Variants in TLL1 observed in about 807,000 individuals in gnomAD.
TLL1 encodes the protein tolloid-like protein 1.
A neutral mutation model predicts 128.2 loss-of-function variants in TLL1; 49 were observed. The observed-to-expected ratio is 0.38, with a 90% CI of 0.30 to 0.48. The LOEUF (loss-of-function observed/expected upper bound fraction) is 0.48, where lower values mean the gene tolerates loss of function less well. Ranked by LOEUF, TLL1 falls within the 20% of genes least tolerant of loss-of-function variation. TLL1 has a pLI of 0.96. For missense variants in TLL1, 1,123 were observed against 1,242.0 expected (o/e 0.90, Z 1.44); for synonymous variants, 454 against 418.8 (o/e 1.08, Z -1.03).
intron 9 of TLL1, among the ~76,000 whole-genome samples, chr4:166,033,714 C>G (rs1388059786): frequency 6.6e-6 from 1 of 152,290 alleles, no homozygotes; most frequent in African/African-American, 2.4e-5. Flanking sequence ...GATTGAGACT[C>G]TCAAAGTACA....
At chr4:165,939,616 G>A (rs1733912689) in intron 1 of TLL1, among the ~76,000 whole-genome samples, 1 of 151,936 alleles carries the variant, frequency 6.6e-6, no homozygotes, top group African/African-American at 2.4e-5. Flanking sequence ...GAGTTCTACA[G>A]GGCAAATTGG....
intron 5 of TLL1, among the ~76,000 whole-genome samples, chr4:165,997,792 T>TAAA (rs1380098114): frequency 2.6e-5 from 4 of 152,328 alleles, no homozygotes; most frequent in African/African-American, 9.6e-5. Context: ...CCTTAAATTG[T>TAAA]ATTATAAGTA....
At position 166,039,541 on chromosome 4, in the gene TLL1, G is replaced by A. The variant is rs544676789; in HGVS notation, c.1261+100G>A. The stretch of plus-strand genomic sequence containing the variant: ...AGAGTCATCGTAGAGTTAAAAATGT[G>A]TGTGACTAACATTATTTTTATGTTA... On this transcript the variant is annotated intron_variant, in intron 10 of 20. Transcript: ENST00000061240. 26 of 810,632 alleles carry A rather than the reference G, an allele frequency of 3.2e-5. No individual in the cohort carries two copies. The South Asian group carries it at 3.4e-4, about 11-fold the overall frequency. 50.2% of individuals were successfully genotyped at this position (810,632 alleles called of 1,614,324 possible). A position where few individuals can be genotyped will look rare whatever the true frequency, so the allele number is the denominator to read the frequency against.
At chr4:166,092,028 TTTCA>T (rs1477749626) in intron 19 of TLL1, among the ~76,000 whole-genome samples, 2 of 103,678 alleles carry the variant, frequency 1.9e-5, no homozygotes, top group African/African-American at 6.5e-5. Context: ...AATGTGCCCT[TTTCA>T]TTCAGTTAAG....
intron 2 of TLL1, among the ~76,000 whole-genome samples, chr4:165,990,771 G>A (rs1736602607): frequency 6.6e-6 from 1 of 151,964 alleles, no homozygotes. Context: ...AAAGTAGGGA[G>A]TATGTAAGAG....
intron 9 of TLL1, among the ~76,000 whole-genome samples, chr4:166,030,067 C>T (rs1298987785): frequency 6.6e-6 from 1 of 152,002 alleles, no homozygotes; most frequent in Non-Finnish European, 1.5e-5. Context: ...AACCTTTATA[C>T]TGTTTTCCAT....
intron 10 of TLL1, among the ~76,000 whole-genome samples, chr4:166,040,158 AC>A (rs1404305906): frequency 1.3e-5 from 2 of 152,200 alleles, no homozygotes; most frequent in Non-Finnish European, 2.9e-5. Flanking sequence ...TGAGATTGTA[AC>A]TTTTTCTTTA....
At chr4:166,065,259 A>C (rs533582164) in intron 15 of TLL1, among the ~76,000 whole-genome samples, 1 of 152,222 alleles carries the variant, frequency 6.6e-6, no homozygotes, top group Non-Finnish European at 1.5e-5. Flanking sequence ...TAGTAAGTTT[A>C]AAAAGCAAAT....
intron 15 of TLL1, among the ~76,000 whole-genome samples, chr4:166,063,689 T>C (rs1740441168): frequency 6.6e-6 from 1 of 152,064 alleles, no homozygotes; most frequent in South Asian, 2.1e-4. Flanking sequence ...ATGTCCTTTG[T>C]AGAGACATGG....
intron 1 of TLL1, among the ~76,000 whole-genome samples, chr4:165,940,847 G>T (rs1733975226): frequency 6.6e-6 from 1 of 151,982 alleles, no homozygotes; most frequent in Non-Finnish European, 1.5e-5. Context: ...GGCAGAGCCA[G>T]ACTTGCTTTC....
At chr4:166,062,565 T>C (rs1335124851) in intron 15 of TLL1, among the ~76,000 whole-genome samples, 1 of 152,222 alleles carries the variant, frequency 6.6e-6, no homozygotes, top group African/African-American at 2.4e-5. Context: ...TGCACATTGA[T>C]TTTGTATTCT....
At chr4:165,966,402 C>T (rs1735377704) in intron 1 of TLL1, among the ~76,000 whole-genome samples, 1 of 152,086 alleles carries the variant, frequency 6.6e-6, no homozygotes, top group African/African-American at 2.4e-5. Context: ...TGGGTTCTGT[C>T]ATCACACATA....
At chr4:166,063,494 T>C (rs182735343) in intron 15 of TLL1, among the ~76,000 whole-genome samples, 2,218 of 152,278 alleles carry the variant, frequency 0.015, 58 homozygotes, top group African/African-American at 0.05. Flanking sequence ...TTACGGGGTA[T>C]ATACCCAAAG....
intron 1 of TLL1, among the ~76,000 whole-genome samples, chr4:165,894,374 A>G (rs1428125160): frequency 1.3e-5 from 2 of 152,224 alleles, no homozygotes; most frequent in Non-Finnish European, 2.9e-5. Context: ...TAAGAATGAC[A>G]GCAGATTTCT....
chr4:166,008,284 C>G (rs1737531986), intron 7 of TLL1, among the ~76,000 whole-genome samples: 1 of 151,150 alleles, frequency 6.6e-6, no homozygotes, highest in Non-Finnish European at 1.5e-5. Flanking sequence ...AAAATTTATA[C>G]CAATAAGATG....
Position 166,091,251 on chromosome 4 carries a change from C to T in TLL1, c.2566C>T (p.Pro856Ser), listed in dbSNP as rs1741765344. The change falls in exon 19 of 21, where the codon CCC becomes TCC. Residue 856 changes from proline to serine, a missense_variant. Transcript: ENST00000061240. ...GRLCGNKIPDPLVATGNKMFV... is the reference protein window; with the variant it reads ...GRLCGNKIPDSLVATGNKMFV... The stretch of plus-strand genomic sequence containing the variant: ...ACTGTGTGGCAACAAGATACCAGAT[C>T]CCCTTGTGGCTACTGGAAATAAAAT... 4 of 1,613,132 alleles carry T rather than the reference C, an allele frequency of 2.5e-6. No individual in the cohort carries two copies. Among genetic ancestry groups the T allele is most frequent in the Non-Finnish European group, 2.5e-6 (3 of 1,179,492 alleles).
intron 8 of TLL1, among the ~76,000 whole-genome samples, chr4:166,017,286 G>C (rs886480214): frequency 2.6e-5 from 4 of 152,096 alleles, no homozygotes; most frequent in African/African-American, 9.7e-5. Flanking sequence ...TTTTATAGCT[G>C]CGTAGTATTT....
chr4:166,063,758 G>A (rs557023073), intron 15 of TLL1, among the ~76,000 whole-genome samples: 3 of 152,136 alleles, frequency 2.0e-5, no homozygotes, highest in South Asian at 4.2e-4. Flanking sequence ...ACCAAACACT[G>A]CATGCTCTCA....
chr4:165,977,219 G>A (rs911271068), intron 1 of TLL1, among the ~76,000 whole-genome samples: 3 of 152,146 alleles, frequency 2.0e-5, no homozygotes, highest in South Asian at 4.1e-4. Flanking sequence ...GGCAGAACCT[G>A]GTGGGAGGTG....
Sources: gnomAD v4.1 joint callset for allele counts (sites outside exome capture counted in the v4.1 genomes callset) on GRCh38, gnomAD v4.1.1 for gene constraint, MANE v1.5 for transcripts, NCBI Gene and HGNC (gene_info 2026-07-23, HGNC 2026-07-21) for gene names.